CDH12: variants seen among roughly 807,000 people sequenced by gnomAD.
The protein encoded by CDH12 is cadherin 12.
In CDH12, 41 loss-of-function variants were observed where a neutral mutation model predicts 74.1. That is an observed-to-expected ratio of 0.55 (90% confidence interval 0.43 to 0.72). The LOEUF (loss-of-function observed/expected upper bound fraction) is 0.72, where lower values mean the gene tolerates loss of function less well. Ranked by LOEUF, CDH12 falls within the 30% of genes least tolerant of loss-of-function variation. The pLI is 0.00. For synonymous variants in CDH12, 399 were observed against 355.0 expected (o/e 1.12, Z -1.39); for missense variants, 945 against 977.2 (o/e 0.97, Z 0.44).
At chr5:22,263,311 A>ATTTTGTTAACGCAAATAATG (rs1384195273) in intron 3 of CDH12, among the ~76,000 whole-genome samples, 1 of 152,126 alleles carries the variant, frequency 6.6e-6, no homozygotes. Context: ...CACACTAATG[A>ATTTTGTTAACGCAAATAATG]TTTTGTTAAC....
chr5:22,287,471 T>A (rs1737193820), intron 3 of CDH12, among the ~76,000 whole-genome samples: 2 of 152,078 alleles, frequency 1.3e-5, no homozygotes, highest in African/African-American at 4.8e-5. Flanking sequence ...ACGCCTGTAA[T>A]CCCAGCACTT....
At chr5:22,601,867 C>G (rs528552582) in intron 1 of CDH12, among the ~76,000 whole-genome samples, 1 of 152,116 alleles carries the variant, frequency 6.6e-6, no homozygotes, top group East Asian at 1.9e-4. Flanking sequence ...ACTGGATATA[C>G]TACACTGAAG....
At chr5:22,581,198 C>G (rs1162515707) in intron 1 of CDH12, among the ~76,000 whole-genome samples, 5 of 152,244 alleles carry the variant, frequency 3.3e-5, no homozygotes, top group Non-Finnish European at 7.3e-5. Context: ...CCTCCCATCA[C>G]AGGCCTGAAG....
At chr5:22,407,414 A>G (rs1478655746) in intron 2 of CDH12, among the ~76,000 whole-genome samples, 2 of 152,006 alleles carry the variant, frequency 1.3e-5, no homozygotes, top group African/African-American at 4.8e-5. Context: ...CATTTTCTCC[A>G]CCAAATTATT....
intron 6 of CDH12, among the ~76,000 whole-genome samples, chr5:21,966,235 A>C (rs1363010436): frequency 3.3e-5 from 5 of 151,222 alleles, no homozygotes; most frequent in African/African-American, 1.2e-4. Flanking sequence ...GGTCGATTTA[A>C]AATGTTGGCC....
At chr5:22,054,401 T>G (rs1740595273) in intron 5 of CDH12, among the ~76,000 whole-genome samples, 1 of 152,144 alleles carries the variant, frequency 6.6e-6, no homozygotes, top group Non-Finnish European at 1.5e-5. Flanking sequence ...AACTTTTAAC[T>G]GGACACCTCT....
chr5:21,919,677 C>T (rs1046440715), intron 6 of CDH12, among the ~76,000 whole-genome samples: 11 of 152,152 alleles, frequency 7.2e-5, no homozygotes, highest in Middle Eastern at 3.4e-3. Context: ...CCCGGAGAAA[C>T]GGACTGATAA....
intron 2 of CDH12, among the ~76,000 whole-genome samples, chr5:22,489,668 T>C (rs975217230): frequency 1.3e-5 from 2 of 151,884 alleles, no homozygotes; most frequent in African/African-American, 2.4e-5. Flanking sequence ...AAAACTGCTT[T>C]GTGATGCCTT....
chr5:22,313,177 T>G (rs1006671407), intron 3 of CDH12, among the ~76,000 whole-genome samples: 18 of 152,182 alleles, frequency 1.2e-4, no homozygotes, highest in Non-Finnish European at 1.3e-4. Context: ...TAAAGACTTC[T>G]GAAGTTTTTG....
chr5:22,644,082 C>T (rs187481948), intron 1 of CDH12, among the ~76,000 whole-genome samples: 13 of 151,872 alleles, frequency 8.6e-5, no homozygotes, highest in African/African-American at 2.9e-4. Flanking sequence ...CTCGGTGCTC[C>T]GTATTCCCTG....
At chr5:21,833,650 C>G (rs1331010288) in intron 8 of CDH12, among the ~76,000 whole-genome samples, 1 of 117,956 alleles carries the variant, frequency 8.5e-6, no homozygotes, top group Non-Finnish European at 1.7e-5. Context: ...TATATGCATA[C>G]AAATGATTCA....
At chr5:21,912,976 G>A (rs1278607318) in intron 6 of CDH12, among the ~76,000 whole-genome samples, 2 of 152,126 alleles carry the variant, frequency 1.3e-5, no homozygotes, top group East Asian at 1.9e-4. Flanking sequence ...CCAAGAAGCT[G>A]GGATTATAGG....
At chr5:22,591,976 A>AC (rs5866577) in intron 1 of CDH12, among the ~76,000 whole-genome samples, 84,987 of 151,854 alleles carry the variant, frequency 0.56, 24,114 homozygotes, top group East Asian at 0.68. Flanking sequence ...CACCATGTGA[A>AC]CCCTAAGTCA....
chr5:22,456,628 C>A (rs549557091), intron 2 of CDH12, among the ~76,000 whole-genome samples: 52 of 119,150 alleles, frequency 4.4e-4, no homozygotes, highest in South Asian at 9.9e-4. Context: ...ATCTGAAAGT[C>A]TTTGAATGGA....
Position 22,692,348 on chromosome 5 carries a change from C to T in CDH12, c.-523+160710G>A, listed in dbSNP as rs186931649. On this transcript the variant is annotated intron_variant, in intron 1 of 14. Coordinates refer to ENST00000382254, the MANE Select transcript of CDH12 (RefSeq NM_004061.5). ...CAGCCTCGGGTATTCCTTAGAGTAA[C>T]GCAAATGTACTAACCCATGTGGCAT... 3.0e-3 allele frequency among the ~76,000 whole-genome samples: 453 copies of T among 152,192 alleles called. 7 individuals are homozygous for T. The highest frequency in any genetic ancestry group is 3.4e-3 in the Middle Eastern group (1 of 294).
intron 2 of CDH12, among the ~76,000 whole-genome samples, chr5:22,482,257 A>C (rs184648914): frequency 6.6e-6 from 1 of 152,176 alleles, no homozygotes; most frequent in African/African-American, 2.4e-5. Context: ...AGCATAATCC[A>C]GTAGACTTCC....
At chr5:21,764,946 T>C (rs981111855) in intron 12 of CDH12, 32 bp downstream of exon 12, 1 of 1,611,342 alleles carries the variant, frequency 6.2e-7, no homozygotes, top group Non-Finnish European at 8.5e-7. Flanking sequence ...GGTGGGTCTT[T>C]ATACACTCAA....
chr5:22,236,217 T>G (rs1376087055), intron 3 of CDH12, among the ~76,000 whole-genome samples: 1 of 152,208 alleles, frequency 6.6e-6, no homozygotes, highest in African/African-American at 2.4e-5. Flanking sequence ...CTATACTAAA[T>G]GTATACTAAA....
chr5:22,099,548 C>T (rs1485984983), intron 4 of CDH12, among the ~76,000 whole-genome samples: 1 of 152,154 alleles, frequency 6.6e-6, no homozygotes, highest in African/African-American at 2.4e-5. Flanking sequence ...ACCAGACCAA[C>T]TTAGACTGTG....
Sources: gnomAD v4.1 joint callset for allele counts (sites outside exome capture counted in the v4.1 genomes callset) on GRCh38, gnomAD v4.1.1 for gene constraint, MANE v1.5 for transcripts, NCBI Gene and HGNC (gene_info 2026-07-23, HGNC 2026-07-21) for gene names.